GTF3C1: variants seen among roughly 807,000 people sequenced by gnomAD.
GTF3C1 encodes the protein general transcription factor 3C polypeptide 1.
A neutral mutation model predicts 226.7 loss-of-function variants in GTF3C1; 57 were observed. That is an observed-to-expected ratio of 0.25 (90% CI 0.20 to 0.31). GTF3C1 has a LOEUF of 0.31. Ranked by LOEUF, GTF3C1 falls within the 10% of genes least tolerant of loss-of-function variation. GTF3C1 has a pLI of 1.00. For missense variants in GTF3C1, 2,217 were observed against 2,776.1 expected (o/e 0.80, Z 4.53); for synonymous variants, 1,090 against 1,084.8 (o/e 1.00, Z -0.09).
At chr16:27,504,774 G>A (rs2088458525) in intron 10 of GTF3C1, among the ~76,000 whole-genome samples, 1 of 152,054 alleles carries the variant, frequency 6.6e-6, no homozygotes, top group Admixed American at 6.6e-5. Flanking sequence ...AATTAGCCAG[G>A]CGCAGTGGCA....
At chr16:27,500,346 A>C (rs2088387021) in intron 12 of GTF3C1, among the ~76,000 whole-genome samples, 1 of 152,240 alleles carries the variant, frequency 6.6e-6, no homozygotes, top group African/African-American at 2.4e-5. Flanking sequence ...TACTTATAGC[A>C]GACATAAAAA....
intron 9 of GTF3C1, 128 bp from the exon 10 acceptor site, chr16:27,506,244 G>A: frequency 3.3e-6 from 2 of 606,018 alleles, no homozygotes; most frequent in South Asian, 4.0e-5. Flanking sequence ...TGAGGGAAGT[G>A]GACCAGCAGC....
chr16:27,463,819 G>A lies in GTF3C1; in HGVS notation c.5873-227C>T, dbSNP rs1389407866. 1.8e-5 allele frequency: 10 copies of A among 558,406 alleles called. No individual in the cohort carries two copies. Among genetic ancestry groups the A allele is most frequent in the South Asian group, 4.7e-5 (2 of 42,706 alleles). The allele number at this position is 558,406 out of a possible 1,614,324, so 34.6% of individuals were successfully genotyped here. A position where few individuals can be genotyped will look rare whatever the true frequency, so the allele number is the denominator to read the frequency against. ...CACATGCAAGCAGCGTCCCAGGCCC[G>A]GACAAGCCCCACATTGCAGGAAGCC... On this transcript the variant is annotated intron_variant, in intron 34 of 36. Transcript: ENST00000356183. This position sits in a 1 kb window ranked among gnomAD's most constrained non-coding sequence, Gnocchi z 4.9.
At chr16:27,487,739 G>A (rs1333630664) in intron 23 of GTF3C1, among the ~76,000 whole-genome samples, 2 of 152,206 alleles carry the variant, frequency 1.3e-5, no homozygotes, top group African/African-American at 2.4e-5. Flanking sequence ...GTTGCAGTCA[G>A]CCAAGATCAC....
chr16:27,511,521 G>A (rs1302436139), intron 7 of GTF3C1, among the ~76,000 whole-genome samples: 1 of 152,190 alleles, frequency 6.6e-6, no homozygotes, highest in Non-Finnish European at 1.5e-5. Context: ...CTGCTTTACA[G>A]ATGAGGAAAT....
At chr16:27,522,893 A>G (rs116537375) in intron 6 of GTF3C1, among the ~76,000 whole-genome samples, 1,594 of 152,340 alleles carry the variant, frequency 0.01, 46 homozygotes, top group African/African-American at 0.036. Context: ...CGGTGGGTCT[A>G]CAGAAACACA....
chr16:27,520,824 T>C (rs2088735967), intron 6 of GTF3C1, among the ~76,000 whole-genome samples: 1 of 152,060 alleles, frequency 6.6e-6, no homozygotes, highest in Non-Finnish European at 1.5e-5. Flanking sequence ...GTTCAAGCGA[T>C]TCTCCTGCCT....
intron 16 of GTF3C1, among the ~76,000 whole-genome samples, chr16:27,494,327 G>A (rs576491323): frequency 2.6e-5 from 4 of 151,518 alleles, no homozygotes; most frequent in Non-Finnish European, 4.4e-5. Context: ...CGTGAAACTG[G>A]GAGGCAGAGG....
intron 2 of GTF3C1, among the ~76,000 whole-genome samples, chr16:27,544,271 C>T (rs890845860): frequency 6.6e-6 from 1 of 151,786 alleles, no homozygotes; most frequent in African/African-American, 2.4e-5. Flanking sequence ...CCTGTGGTCC[C>T]AGCTACTCAG....
intron 6 of GTF3C1, among the ~76,000 whole-genome samples, chr16:27,522,454 C>A (rs1282240621): frequency 6.6e-6 from 1 of 152,244 alleles, no homozygotes; most frequent in South Asian, 2.1e-4. Context: ...CAGTTCTATT[C>A]GGTTATCTGT....
intron 10 of GTF3C1, 62 bp downstream of exon 10, chr16:27,505,837 C>G: frequency 2.1e-6 from 2 of 946,432 alleles, no homozygotes; most frequent in Non-Finnish European, 3.4e-6. Context: ...TTCCTAAACA[C>G]AGAAACGATG....
chr16:27,512,231 G>A (rs774712675), intron 6 of GTF3C1, among the ~76,000 whole-genome samples: 2 of 152,130 alleles, frequency 1.3e-5, no homozygotes, highest in African/African-American at 2.4e-5. Context: ...CAGGAGACGC[G>A]CCTGTCTCTT....
Position 27,469,385 on chromosome 16 carries a change from G to A in GTF3C1, c.4980C>T (p.Arg1660=), listed in dbSNP as rs1411867774. 4.3e-6 allele frequency: 7 copies of A among 1,612,780 alleles called. No homozygotes were observed. The highest frequency in any genetic ancestry group is 5.9e-6 in the Non-Finnish European group (7 of 1,179,528). ...CAATGCTGTCGTTGGGGTTGAGGTTGCGGGTGCTGACGATGCCGGGGGAGT... is the reference window on the plus strand; with the variant it reads ...CAATGCTGTCGTTGGGGTTGAGGTTACGGGTGCTGACGATGCCGGGGGAGT... ...GYYSPGIVST[R]NLNPNDSIVV... Residue 1660 remains arginine, a synonymous_variant, in exon 32 of 37, where the codon CGC becomes CGT. Coordinates refer to ENST00000356183, the MANE Select transcript of GTF3C1 (RefSeq NM_001520.4). This position sits in a 1 kb window ranked among gnomAD's most constrained non-coding sequence, Gnocchi z 4.5.
chr16:27,547,896 A>T (rs539603012), intron 1 of GTF3C1, among the ~76,000 whole-genome samples: 1 of 152,270 alleles, frequency 6.6e-6, no homozygotes, highest in East Asian at 1.9e-4. Flanking sequence ...AAGTGCTGGG[A>T]TTACAGGCTG....
At chr16:27,529,440 C>CA (rs34170986) in intron 5 of GTF3C1, among the ~76,000 whole-genome samples, 9,745 of 110,882 alleles carry the variant, frequency 0.088, 1,065 homozygotes, top group African/African-American at 0.28. Context: ...GACTCTGTTT[C>CA]AAAAAAAAAA....
intron 9 of GTF3C1, 129 bp downstream of exon 9, chr16:27,506,718 C>T: frequency 1.6e-6 from 1 of 619,496 alleles, no homozygotes; most frequent in Non-Finnish European, 2.8e-6. Context: ...GTACAAGTGA[C>T]AGTGTCAGGC....
At chr16:27,516,270 G>A (rs1025564198) in intron 6 of GTF3C1, among the ~76,000 whole-genome samples, 4 of 152,220 alleles carry the variant, frequency 2.6e-5, no homozygotes, top group Admixed American at 6.5e-5. Context: ...GGCTGAGGGC[G>A]ATGCCAGAGG....
intron 2 of GTF3C1, among the ~76,000 whole-genome samples, chr16:27,539,997 G>A (rs1389385481): frequency 2.6e-5 from 4 of 152,088 alleles, no homozygotes; most frequent in Admixed American, 6.6e-5. Flanking sequence ...AAAGCTCACA[G>A]GCTACCAATT....
chr16:27,464,821 G>A lies in GTF3C1; in HGVS notation c.5371C>T (p.His1791Tyr), dbSNP rs760530604. 1.3e-6 allele frequency: 2 copies of A among 1,514,746 alleles called. No individual in the cohort carries two copies. The highest frequency in any genetic ancestry group is 2.8e-5 in the African/African-American group (2 of 71,848). 93.8% of individuals were successfully genotyped at this position (1,514,746 alleles called of 1,614,324 possible). Residue 1791 changes from histidine to tyrosine, a missense_variant, in exon 34 of 37, where the codon CAT becomes TAT. Physicochemically the swap from His to Tyr is moderately conservative, Grantham distance 83. Transcript: ENST00000356183. Reference sequence around the variant, plus strand: ...TTGCCACCGACCTCCAGCACCTGATGCTGCTCCAGGAGGGCCTGGGGAGGC... The same window carrying A: ...TTGCCACCGACCTCCAGCACCTGATACTGCTCCAGGAGGGCCTGGGGAGGC... ...ADCIQALLEQ[H>Y]QVLEVGGNTA...
Sources: gnomAD v4.1 joint callset for allele counts (sites outside exome capture counted in the v4.1 genomes callset) on GRCh38, gnomAD v4.1.1 for gene constraint, Gnocchi (gnomAD v3.1) non-coding constraint, MANE v1.5 for transcripts, NCBI Gene and HGNC (gene_info 2026-07-23, HGNC 2026-07-21) for gene names.